The following CD72 variants were observed in gnomAD, a reference collection of about 807,000 sequenced individuals.
CD72 encodes B-cell differentiation antigen CD72.
CD72 carries 28 observed loss-of-function variants against 50.7 expected under a neutral mutation model. The ratio of observed to expected loss-of-function variants is 0.55; its 90% CI spans 0.41 to 0.76. The LOEUF (loss-of-function observed/expected upper bound fraction) is 0.76. Ranked by LOEUF, CD72 falls within the 30% of genes least tolerant of loss-of-function variation. The probability of loss-of-function intolerance (pLI) is 0.00; values close to 1 mark genes in which losing one functional copy is unlikely to be tolerated. For synonymous variants in CD72, 176 were observed against 171.2 expected, an observed-to-expected ratio of 1.03 and a Z score of -0.22; for missense variants, 403 against 420.6, an observed-to-expected ratio of 0.96 and a Z score of 0.37.
intron 1 of CD72, among the ~76,000 whole-genome samples, chr9:35,642,073 T>A (rs961260539): frequency 3.3e-5 from 5 of 152,234 alleles, no homozygotes; most frequent in African/African-American, 1.2e-4. Context: ...AAGTATTCCA[T>A]TATCACTAAC....
intron 1 of CD72, among the ~76,000 whole-genome samples, chr9:35,632,358 G>A (rs1253178374): frequency 6.6e-6 from 1 of 151,794 alleles, no homozygotes; most frequent in African/African-American, 2.4e-5. Context: ...TTTTAGTAGA[G>A]ACGGGGTTTC....
chr9:35,627,786 T>C (rs1364402544), intron 1 of CD72, among the ~76,000 whole-genome samples: 1 of 152,070 alleles, frequency 6.6e-6, no homozygotes, highest in Non-Finnish European at 1.5e-5. Context: ...GCACTGGGGA[T>C]TTTAGCTTGT....
chr9:35,624,474 G>T (rs1341474585), upstream of CD72, among the ~76,000 whole-genome samples: 1 of 152,016 alleles, frequency 6.6e-6, no homozygotes, highest in Non-Finnish European at 1.5e-5. Flanking sequence ...TTGACCCACA[G>T]AATTCTCCAT....
At chr9:35,626,331 A>T (rs1441358499) in intron 1 of CD72, among the ~76,000 whole-genome samples, 2 of 152,088 alleles carry the variant, frequency 1.3e-5, no homozygotes, top group Non-Finnish European at 2.9e-5. Flanking sequence ...TGAAGATGTG[A>T]CTGAATTGGT....
intron 2 of CD72, 82 bp downstream of exon 2, chr9:35,617,932 A>G (rs970561773): frequency 4.6e-6 from 4 of 868,666 alleles, no homozygotes; most frequent in African/African-American, 3.3e-5. Context: ...CCCTGTCTCA[A>G]GAACAACAAC....
intron 1 of CD72, among the ~76,000 whole-genome samples, chr9:35,627,421 C>A (rs539644368): frequency 6.6e-6 from 1 of 151,484 alleles, no homozygotes; most frequent in Non-Finnish European, 1.5e-5. Context: ...AGAGCCACTG[C>A]GCCCGGCTAA....
chr9:35,615,129 G>A (rs1823045898), intron 5 of CD72, among the ~76,000 whole-genome samples: 1 of 152,152 alleles, frequency 6.6e-6, no homozygotes, highest in Non-Finnish European at 1.5e-5. Flanking sequence ...CTAACATGCT[G>A]CTAAGAGCAG....
chr9:35,618,485 G>A, upstream of CD72: 2 of 1,420,818 alleles, frequency 1.4e-6, no homozygotes, highest in Non-Finnish European at 1.9e-6. Context: ...AAACAGATGG[G>A]CTCAATGAAG....
chr9:35,612,073 T>C (rs1265347729), intron 6 of CD72, among the ~76,000 whole-genome samples, 154 bp from the exon 7 acceptor site: 1 of 152,256 alleles, frequency 6.6e-6, no homozygotes, highest in Non-Finnish European at 1.5e-5. Context: ...AGTGCCACCC[T>C]GCAGATGCAG....
intron 1 of CD72, among the ~76,000 whole-genome samples, chr9:35,630,100 C>T (rs997351889): frequency 2.7e-5 from 4 of 149,376 alleles, no homozygotes; most frequent in Admixed American, 6.7e-5. Flanking sequence ...AGTGCAGCCG[C>T]GCGTCTCAGC....
At chr9:35,630,930 T>C (rs1480833739) in intron 1 of CD72, among the ~76,000 whole-genome samples, 5 of 152,124 alleles carry the variant, frequency 3.3e-5, no homozygotes, top group Non-Finnish European at 5.9e-5. Flanking sequence ...ATAATAGTAA[T>C]CTGTTTCAAG....
chr9:35,610,564 T>G, intron 8 of CD72, 38 bp downstream of exon 8: 1 of 1,524,032 alleles, frequency 6.6e-7, no homozygotes, highest in Non-Finnish European at 8.9e-7. Flanking sequence ...CCTCTGCCCC[T>G]GGACTCCCCA....
intron 6 of CD72, 73 bp from the exon 7 acceptor site, chr9:35,611,992 G>T: frequency 2.4e-6 from 2 of 842,348 alleles, no homozygotes; most frequent in East Asian, 2.5e-5. Flanking sequence ...GCACACCCTA[G>T]GGAGGCCTCA....
In CD72 at chr9:35,612,852, T is replaced by G. The variant is rs747907195; in HGVS notation, c.830A>C (p.Gln277Pro). The G allele has an allele frequency of 3.7e-6, 6 of 1,614,194 alleles. No homozygotes were observed. Among genetic ancestry groups the G allele is most frequent in the Non-Finnish European group, 5.1e-6 (6 of 1,179,988 alleles). ...TGTGAGTAAGGATATGCTTACTGAT[T>G]GTGGATAAATTTCACTGAATGTGGC... is the stretch of plus-strand genomic sequence containing the variant. ...KLATFSEIYP[Q>P]SHSYYFLNSL... is the part of the protein sequence containing the mutation. Residue 277 changes from glutamine (Q) to proline (P), a missense_variant, in exon 6 of 9, where the codon CAA becomes CCA. Physicochemically the swap from Gln to Pro is moderately conservative, Grantham distance 76. Transcript: ENST00000259633.
intron 1 of CD72, among the ~76,000 whole-genome samples, chr9:35,637,482 T>A (rs950627571): frequency 6.6e-6 from 1 of 152,204 alleles, no homozygotes; most frequent in Non-Finnish European, 1.5e-5. Flanking sequence ...CAATTTCAAA[T>A]TGGGTAAGCG....
chr9:35,617,004 C>G (rs1294214218), intron 3 of CD72, 172 bp downstream of exon 3: 1 of 1,449,618 alleles, frequency 6.9e-7, no homozygotes, highest in Non-Finnish European at 9.0e-7. Context: ...CGGTGCACGT[C>G]GGATTCAGGC....
intron 1 of CD72, among the ~76,000 whole-genome samples, chr9:35,640,857 G>A (rs763143427): frequency 5.3e-5 from 8 of 152,242 alleles, no homozygotes; most frequent in Non-Finnish European, 1.2e-4. Flanking sequence ...TTTATATCCC[G>A]ATCCTTGTCC....
chr9:35,633,046 T>C (rs1479747220), intron 1 of CD72, among the ~76,000 whole-genome samples: 2 of 150,944 alleles, frequency 1.3e-5, no homozygotes, highest in African/African-American at 4.9e-5. Flanking sequence ...ACCTCCCATC[T>C]CAGCCTCCCA....
chr9:35,633,643 C>T (rs746863653), intron 1 of CD72, among the ~76,000 whole-genome samples: 3 of 152,054 alleles, frequency 2.0e-5, no homozygotes, highest in Non-Finnish European at 1.5e-5. Flanking sequence ...CAAAACCTTC[C>T]TATCTCTCCC....
Sources: allele counts gnomAD v4.1 joint callset (sites outside exome capture counted in the v4.1 genomes callset), GRCh38; gene constraint gnomAD v4.1.1; transcripts MANE v1.5; gene names NCBI Gene and HGNC (gene_info 2026-07-23, HGNC 2026-07-21).